NPSR1: variants seen among roughly 807,000 people sequenced by gnomAD.
NPSR1 encodes the protein neuropeptide S receptor 1.
A neutral mutation model predicts 46.9 loss-of-function variants in NPSR1; 48 were observed. That is an observed-to-expected ratio of 1.02 (90% CI 0.81 to 1.30). The LOEUF is 1.30. Ranked by LOEUF, NPSR1 falls within the 50% of genes most tolerant of loss-of-function variation. The probability of loss-of-function intolerance (pLI) is 0.00; values close to 1 mark genes in which losing one functional copy is unlikely to be tolerated. For synonymous variants in NPSR1, 176 were observed against 168.1 expected (o/e 1.05, Z -0.36); for missense variants, 450 against 449.5 (o/e 1.00, Z -0.01).
At chr7:34,789,759 A>AAAAAAAAG (rs1787639944) in intron 3 of NPSR1, among the ~76,000 whole-genome samples, 2 of 151,262 alleles carry the variant, frequency 1.3e-5, no homozygotes, top group Non-Finnish European at 3.0e-5. Flanking sequence ...AAAAAAAAAA[A>AAAAAAAAG]AAAAATAGAT....
chr7:34,786,961 T>C (rs553022299), intron 3 of NPSR1, among the ~76,000 whole-genome samples: 25 of 152,140 alleles, frequency 1.6e-4, no homozygotes, highest in East Asian at 3.8e-4. Flanking sequence ...GAATGATCAA[T>C]GAGCATTGGC....
intron 2 of NPSR1, among the ~76,000 whole-genome samples, chr7:34,759,680 G>C (rs1003148191): frequency 1.3e-5 from 2 of 152,152 alleles, no homozygotes; most frequent in Non-Finnish European, 1.5e-5. Flanking sequence ...AACTGAAACT[G>C]ACCTAGAAAT....
rs1790884266 is a variant in NPSR1 at position 34,849,890 on chromosome 7, C to G, written c.*235C>G. On this transcript the variant is annotated 3_prime_UTR_variant, in exon 9 of 9. Transcript: ENST00000360581. ...GAAACGCCTTCCTTCCCCACCATTC[C>G]CAGCCCTCCTTCCCACTGGCCAGCA... is the stretch of plus-strand genomic sequence containing the variant. 7.7e-7 allele frequency: 1 copy of G among 1,292,688 alleles called. No individual in the cohort carries two copies. The highest frequency in any genetic ancestry group is 1.5e-5 in the African/African-American group (1 of 66,386). The allele number at this position is 1,292,688 out of a possible 1,614,324, so 80.1% of individuals were successfully genotyped here. A position where few individuals can be genotyped will look rare whatever the true frequency, so the allele number is the denominator to read the frequency against.
intron 2 of NPSR1, among the ~76,000 whole-genome samples, chr7:34,722,252 C>G (rs1424058841): frequency 6.6e-6 from 1 of 151,970 alleles, no homozygotes; most frequent in Non-Finnish European, 1.5e-5. Flanking sequence ...ACAAAACATA[C>G]CTATAATGAA....
intron 1 of NPSR1, among the ~76,000 whole-genome samples, chr7:34,663,468 C>T (rs1791576833): frequency 6.6e-6 from 1 of 152,160 alleles, no homozygotes; most frequent in Non-Finnish European, 1.5e-5. Flanking sequence ...ACTTCCACCT[C>T]ATGATAGATG....
chr7:34,687,769 A>G (rs1168747275), intron 2 of NPSR1, among the ~76,000 whole-genome samples: 1 of 152,246 alleles, frequency 6.6e-6, no homozygotes, highest in Non-Finnish European at 1.5e-5. Flanking sequence ...CAATACGCCT[A>G]CCTACAATAA....
At chr7:34,780,989 G>A (rs998359754) in intron 3 of NPSR1, among the ~76,000 whole-genome samples, 2 of 152,170 alleles carry the variant, frequency 1.3e-5, no homozygotes, top group African/African-American at 4.8e-5. Context: ...AACATACGCT[G>A]AGTAATGAGA....
chr7:34,833,916 A>G (rs1489757171), intron 5 of NPSR1, among the ~76,000 whole-genome samples: 1 of 152,212 alleles, frequency 6.6e-6, no homozygotes, highest in Non-Finnish European at 1.5e-5. Context: ...CCCCTTTGCC[A>G]CATTGCATTG....
chr7:34,789,740 CAAAAA>C (rs751424409), intron 3 of NPSR1, among the ~76,000 whole-genome samples: 3 of 45,348 alleles, frequency 6.6e-5, no homozygotes, highest in African/African-American at 2.6e-4. Flanking sequence ...TTGCAGTGCG[CAAAAA>C]AAAAAAAAAA....
chr7:34,842,004 C>A (rs1296247810), intron 6 of NPSR1, among the ~76,000 whole-genome samples: 4 of 152,226 alleles, frequency 2.6e-5, no homozygotes, highest in Non-Finnish European at 5.9e-5. Context: ...GTATAATAGA[C>A]AATCAAACGT....
At chr7:34,746,264 C>T (rs35245746) in intron 2 of NPSR1, among the ~76,000 whole-genome samples, 51 of 152,320 alleles carry the variant, frequency 3.3e-4, no homozygotes, top group African/African-American at 1.2e-3. Context: ...TTCAGTAGTC[C>T]TCCCTTATCC....
chr7:34,764,029 T>C (rs1786307847), intron 2 of NPSR1, among the ~76,000 whole-genome samples: 1 of 152,200 alleles, frequency 6.6e-6, no homozygotes, highest in Admixed American at 6.5e-5. Context: ...GCTTTGCTGG[T>C]ATGTCAACTG....
At chr7:34,812,767 G>A (rs368501275) in intron 4 of NPSR1, among the ~76,000 whole-genome samples, 2 of 152,056 alleles carry the variant, frequency 1.3e-5, no homozygotes, top group South Asian at 2.1e-4. Context: ...AGATAACTTC[G>A]AAAACTGATA....
chr7:34,746,443 A>T (rs1748016954), intron 2 of NPSR1, among the ~76,000 whole-genome samples: 2 of 152,182 alleles, frequency 1.3e-5, no homozygotes, highest in Admixed American at 1.3e-4. Context: ...TTATAAATTA[A>T]ATTTTATCAT....
chr7:34,720,088 T>C (rs1455269369), intron 2 of NPSR1, among the ~76,000 whole-genome samples: 1 of 151,986 alleles, frequency 6.6e-6, no homozygotes, highest in Non-Finnish European at 1.5e-5. Context: ...GAGACCAGCC[T>C]GACCAACATG....
At chr7:34,788,773 G>C (rs1027775225) in intron 3 of NPSR1, among the ~76,000 whole-genome samples, 1 of 151,890 alleles carries the variant, frequency 6.6e-6, no homozygotes, top group Non-Finnish European at 1.5e-5. Flanking sequence ...AGTAAAGAAC[G>C]ATTGGATTTA....
At chr7:34,740,866 A>G (rs1377360550) in intron 2 of NPSR1, among the ~76,000 whole-genome samples, 1 of 151,704 alleles carries the variant, frequency 6.6e-6, no homozygotes. Context: ...ATGAAGCAAG[A>G]CTCCACATGC....
At chr7:34,852,719 A>G (rs1033971094), downstream of NPSR1, among the ~76,000 whole-genome samples, 7 of 152,198 alleles carry the variant, frequency 4.6e-5, no homozygotes, top group Non-Finnish European at 8.8e-5. Flanking sequence ...TACTGTTTGT[A>G]GCCTTTGATG....
chr7:34,872,986 C>T (rs1791493571), intron 8 of NPSR1, among the ~76,000 whole-genome samples: 1 of 150,344 alleles, frequency 6.7e-6, no homozygotes, highest in African/African-American at 2.5e-5. Flanking sequence ...AGCAACTAGG[C>T]CACTTCTTGA....
Sources: allele counts gnomAD v4.1 joint callset (sites outside exome capture counted in the v4.1 genomes callset), GRCh38; gene constraint gnomAD v4.1.1; transcripts MANE v1.5; gene names NCBI Gene and HGNC (gene_info 2026-07-23, HGNC 2026-07-21).